The following MADD variants were observed in gnomAD, a reference collection of about 807,000 sequenced individuals.
MADD encodes MAP kinase-activating death domain protein.
Under a neutral mutation model 176.7 loss-of-function variants are expected in MADD, and 109 were observed. The observed-to-expected ratio is 0.62, with a 90% CI of 0.53 to 0.72. The LOEUF (loss-of-function observed/expected upper bound fraction) is 0.72. MADD is among the 30% of genes least tolerant of loss of function. MADD has a pLI of 0.00. For synonymous variants in MADD, 771 were observed against 771.3 expected (o/e 1.00, Z 0.01); for missense variants, 1,914 against 2,045.5 (o/e 0.94, Z 1.24).
chr11:47,311,654 A>T, intron 25 of MADD, 78 bp from the exon 29 acceptor site: 2 of 890,292 alleles, frequency 2.2e-6, no homozygotes, highest in Non-Finnish European at 3.8e-6. Flanking sequence ...TGGGAAGCCC[A>T]CTTGTACATT....
intron 27 of MADD, among the ~76,000 whole-genome samples, chr11:47,316,385 CTTTTTTTTTTTT>C (rs1008702414): frequency 1.5e-5 from 2 of 130,226 alleles, no homozygotes; most frequent in Non-Finnish European, 3.3e-5. Flanking sequence ...TTTTCTTTTT[CTTTTTTTTTTTT>C]TTTTTTTTTG....
At chr11:47,315,455 C>A in intron 27 of MADD, 128 bp downstream of exon 30, 1 of 567,374 alleles carries the variant, frequency 1.8e-6, no homozygotes, top group Non-Finnish European at 3.2e-6. Flanking sequence ...ATTAAATTAT[C>A]AGATTGGTTT....
intron 19 of MADD, among the ~76,000 whole-genome samples, chr11:47,291,645 G>A (rs1341352437): frequency 6.6e-6 from 1 of 152,178 alleles, no homozygotes; most frequent in Non-Finnish European, 1.5e-5. Context: ...TCTAGTAGCA[G>A]TCAACTCCTG....
chr11:47,320,120 T>C (rs567602826), intron 27 of MADD, among the ~76,000 whole-genome samples: 2 of 151,776 alleles, frequency 1.3e-5, no homozygotes, highest in African/African-American at 4.8e-5. Flanking sequence ...TCGTATGGTG[T>C]ACCATAATTG....
At chr11:47,290,871 T>C in intron 19 of MADD, 55 bp downstream of exon 20, 1 of 1,382,854 alleles carries the variant, frequency 7.2e-7, no homozygotes, top group South Asian at 1.2e-5. Flanking sequence ...TAAATATCCC[T>C]TTCTCCTCAA....
chr11:47,290,004 G>A (rs781638487), exon 17 of MADD: 116 of 1,614,070 alleles, frequency 7.2e-5, no homozygotes, highest in Non-Finnish European at 8.3e-5. Context: ...AAGCTGAACC[G>A]CATGGTGCAG....
chr11:47,289,201 T>G (rs1228791966), intron 15 of MADD, among the ~76,000 whole-genome samples, 174 bp downstream of exon 16: 1 of 151,864 alleles, frequency 6.6e-6, no homozygotes, highest in African/African-American at 2.4e-5. Context: ...GCATGTGGAG[T>G]GGCCTGAGTC....
At chr11:47,309,775 C>G (rs146930093) in intron 25 of MADD, among the ~76,000 whole-genome samples, 163 bp downstream of exon 28, 3 of 152,036 alleles carry the variant, frequency 2.0e-5, no homozygotes, top group African/African-American at 7.2e-5. Flanking sequence ...TACAAATGTT[C>G]CATTTATCTG....
chr11:47,316,498 C>T (rs1218667209), intron 27 of MADD, among the ~76,000 whole-genome samples: 1 of 150,442 alleles, frequency 6.6e-6, no homozygotes, highest in African/African-American at 2.4e-5. Context: ...AAGCGATTCT[C>T]CTGCCTCAGG....
exon 26 of MADD, chr11:47,311,743 T>C (rs1033153860): frequency 1.9e-6 from 3 of 1,610,542 alleles, no homozygotes; most frequent in Admixed American, 1.7e-5. Flanking sequence ...TAAATAAGAA[T>C]GACATCCGCA....
At chr11:47,291,186 T>TA (rs1368061366) in intron 19 of MADD, among the ~76,000 whole-genome samples, 5 of 152,170 alleles carry the variant, frequency 3.3e-5, no homozygotes, top group Non-Finnish European at 7.3e-5. Context: ...TTTTGGGCTA[T>TA]AAAATTATGA....
At chr11:47,272,325 T>G (rs957000895) in intron 1 of MADD, 3 of 152,164 alleles carry the variant, frequency 2.0e-5, no homozygotes, top group African/African-American at 7.2e-5. Flanking sequence ...TTTGAGGATT[T>G]GAGAGGTATT....
chr11:47,287,197 CT>C (rs1434445262), intron 15 of MADD, among the ~76,000 whole-genome samples: 14 of 152,186 alleles, frequency 9.2e-5, no homozygotes, highest in African/African-American at 3.1e-4. Flanking sequence ...TGTCACGCAC[CT>C]GTAATCCCAG....
exon 13 of MADD, chr11:47,285,171 C>G: frequency 6.2e-7 from 1 of 1,614,054 alleles, no homozygotes; most frequent in Non-Finnish European, 8.5e-7. Flanking sequence ...CTCCCCGATT[C>G]AGCCAACATG....
intron 22 of MADD, among the ~76,000 whole-genome samples, chr11:47,303,503 G>T (rs1021893970): frequency 3.9e-5 from 6 of 151,970 alleles, no homozygotes; most frequent in Admixed American, 3.9e-4. Flanking sequence ...CTCCCAAAGT[G>T]CTGGGATTAC....
At chr11:47,311,094 T>C (rs1359810940) in intron 25 of MADD, among the ~76,000 whole-genome samples, 1 of 152,140 alleles carries the variant, frequency 6.6e-6, no homozygotes, top group Non-Finnish European at 1.5e-5. Context: ...AGAGTTCTGC[T>C]CTGAAAGGGA....
At chr11:47,310,544 A>G (rs1387366036) in intron 25 of MADD, among the ~76,000 whole-genome samples, 4 of 152,246 alleles carry the variant, frequency 2.6e-5, no homozygotes, top group South Asian at 4.2e-4. Context: ...TAGGGTGCCA[A>G]TAGAGCTTCC....
intron 22 of MADD, among the ~76,000 whole-genome samples, chr11:47,306,714 C>T (rs1260833786): frequency 1.3e-5 from 2 of 152,214 alleles, no homozygotes; most frequent in South Asian, 4.1e-4. Flanking sequence ...CATCAGCATT[C>T]CTGTCACCCT....
intron 10 of MADD, among the ~76,000 whole-genome samples, chr11:47,283,283 T>C (rs922753205): frequency 2.0e-5 from 3 of 149,988 alleles, no homozygotes; most frequent in Non-Finnish European, 4.4e-5. Context: ...TTAGTAGAGA[T>C]GGGGTTTCAC....
Sources: gnomAD v4.1 joint callset for allele counts (sites outside exome capture counted in the v4.1 genomes callset) on GRCh38, gnomAD v4.1.1 for gene constraint, MANE v1.5 for transcripts, NCBI Gene and HGNC (gene_info 2026-07-23, HGNC 2026-07-21) for gene names.